The following SMARCA2 variants were observed in gnomAD, a reference collection of about 807,000 sequenced individuals.
SMARCA2 encodes the protein SWI/SNF-related matrix-associated actin-dependent regulator of chromatin subfamily A member 2.
In SMARCA2, 61 loss-of-function variants were observed where a neutral mutation model predicts 199.8. The observed-to-expected ratio is 0.31, with a 90% confidence interval of 0.25 to 0.38. SMARCA2 has a LOEUF of 0.38. Among genes scored for constraint, SMARCA2 ranks in the 10% least tolerant of loss-of-function variants. The pLI, the probability that SMARCA2 is intolerant of heterozygous loss-of-function variation, is 1.00. For missense variants in SMARCA2, 1,344 were observed against 2,012.2 expected (o/e 0.67, Z 6.35); for synonymous variants, 935 against 732.0 (o/e 1.28, Z -4.48).
rs527447933 is a variant in SMARCA2, at chr9:2,130,649, A to G, written c.3981+6712A>G. Reference sequence around the variant, plus strand: ...GTGTGCCCAAGGTGATAACAGTGCTATATTACAGATTACATATATATATAT... The same window carrying G: ...GTGTGCCCAAGGTGATAACAGTGCTGTATTACAGATTACATATATATATAT... On this transcript the variant is annotated intron_variant, in intron 27 of 33. Transcript: ENST00000349721. Among the ~76,000 whole-genome samples the G allele has an allele frequency of 7.2e-5, 11 of 152,352 alleles. No individual in the cohort carries two copies. The South Asian group carries it at 1.2e-3, about 17-fold the overall frequency.
At chr9:2,147,138 A>G (rs1824794256) in intron 27 of SMARCA2, among the ~76,000 whole-genome samples, 1 of 151,934 alleles carries the variant, frequency 6.6e-6, no homozygotes, top group Admixed American at 6.6e-5. Context: ...TCATGACAGA[A>G]GTGTTTAAGA....
At chr9:2,055,653 T>C (rs888802104) in intron 6 of SMARCA2, 1 of 152,250 alleles carries the variant, frequency 6.6e-6, no homozygotes, top group Non-Finnish European at 1.5e-5. Flanking sequence ...CCTTACCGGC[T>C]ATAATCTCAC....
intron 31 of SMARCA2, 54 bp from the exon 32 acceptor site, chr9:2,186,042 A>C: frequency 6.4e-7 from 1 of 1,569,508 alleles, no homozygotes; most frequent in Non-Finnish European, 8.7e-7. Context: ...GGAAGAGTTC[A>C]CTGCCATGGT....
intron 1 of SMARCA2, among the ~76,000 whole-genome samples, chr9:2,023,362 A>G (rs1020166683): frequency 1.3e-5 from 2 of 152,200 alleles, no homozygotes; most frequent in Admixed American, 6.5e-5. Context: ...TGAAAGATGA[A>G]GGAGAGTTCA....
At chr9:2,047,599 C>A (rs1167127122) in intron 5 of SMARCA2, 115 bp downstream of exon 5, 11 of 1,161,784 alleles carry the variant, frequency 9.5e-6, no homozygotes, top group Non-Finnish European at 1.2e-5. Flanking sequence ...TTCACCCGTG[C>A]GGTCGGAAAA....
intron 1 of SMARCA2, among the ~76,000 whole-genome samples, chr9:2,021,285 G>T (rs1586614857): frequency 6.6e-6 from 1 of 151,988 alleles, no homozygotes; most frequent in Non-Finnish European, 1.5e-5. Context: ...AAATATAATT[G>T]AAACTCCCTC....
chr9:2,178,358 G>A (rs1826773500), intron 29 of SMARCA2, among the ~76,000 whole-genome samples: 1 of 152,160 alleles, frequency 6.6e-6, no homozygotes, highest in African/African-American at 2.4e-5. Flanking sequence ...CGATGTCACA[G>A]GCCATCAGTG....
At chr9:2,027,960 G>T (rs1300808019) in intron 1 of SMARCA2, among the ~76,000 whole-genome samples, 1 of 152,208 alleles carries the variant, frequency 6.6e-6, no homozygotes, top group African/African-American at 2.4e-5. Flanking sequence ...CAGCTTATTT[G>T]CTCATTCTGG....
At chr9:2,028,073 G>A (rs1818909412) in intron 1 of SMARCA2, among the ~76,000 whole-genome samples, 2 of 152,216 alleles carry the variant, frequency 1.3e-5, no homozygotes, top group African/African-American at 4.8e-5. Flanking sequence ...TGCTGAAATT[G>A]TAGAACCAGA....
At chr9:2,103,855 GTTCATA>G (rs1822638429) in intron 22 of SMARCA2, 142 bp from the exon 23 acceptor site, 1 of 642,130 alleles carries the variant, frequency 1.6e-6, no homozygotes, top group South Asian at 2.4e-5. Context: ...TTGCTTTGGA[GTTCATA>G]TTCATTCATT....
At chr9:2,080,844 T>C (rs1372214387) in intron 14 of SMARCA2, among the ~76,000 whole-genome samples, 1 of 152,240 alleles carries the variant, frequency 6.6e-6, no homozygotes, top group Non-Finnish European at 1.5e-5. Flanking sequence ...GGCATATGTG[T>C]ATATGTGCCT....
Position 2,039,494 on chromosome 9 carries a change from A to T in SMARCA2, c.384A>T (p.Leu128Phe). ...QGYMSPHPSP[L>F]GAPEHVSSPM... ...ATATGTCACCACACCCATCTCCATTAGGAGCCCCAGAGCACGTCTCCAGCC... is the reference window on the plus strand; with the variant it reads ...ATATGTCACCACACCCATCTCCATTTGGAGCCCCAGAGCACGTCTCCAGCC... Residue 128 changes from leucine to phenylalanine, a missense_variant, in exon 4 of 34, where the codon TTA (leucine) becomes TTT (phenylalanine). Leu to Phe is a conservative substitution (Grantham distance 22, BLOSUM62 0). Coordinates refer to ENST00000349721, the MANE Select transcript of SMARCA2 (RefSeq NM_003070.5). The surrounding 1 kb of genome is among the most constrained non-coding windows in gnomAD (Gnocchi z 4.8). The T allele has an allele frequency of 6.2e-7, 1 of 1,614,002 alleles. No individual in the cohort carries two copies. Among genetic ancestry groups the T allele is most frequent in the Non-Finnish European group, 8.5e-7 (1 of 1,179,976 alleles).
chr9:2,123,844 T>C lies in SMARCA2; in HGVS notation c.3888T>C (p.Cys1296=), dbSNP rs1482736067. 2.5e-6 allele frequency: 4 copies of C among 1,611,470 alleles called. No individual in the cohort carries two copies. Among genetic ancestry groups the C allele is most frequent in the Non-Finnish European group, 2.5e-6 (3 of 1,179,000 alleles). The change falls in exon 27 of 34, where the codon TGT becomes TGC. Residue 1296 remains cysteine (C), a synonymous_variant. Coordinates refer to ENST00000349721, the MANE Select transcript of SMARCA2 (RefSeq NM_003070.5). The surrounding 1 kb of genome is among the most constrained non-coding windows in gnomAD (Gnocchi z 4.1). ...ACGCTGAAGTAGAAAGGCTCACCTG[T>C]GAAGAAGAGGAGGAGAAAATATTTG... The part of the protein sequence containing the change: ...KDDAEVERLT[C]EEEEEKIFGR...
intron 29 of SMARCA2, among the ~76,000 whole-genome samples, chr9:2,173,184 G>C (rs969082282): frequency 4.6e-5 from 7 of 152,164 alleles, no homozygotes; most frequent in African/African-American, 1.7e-4. Context: ...GAAGGCACTT[G>C]TATGTATGTG....
chr9:2,184,353 C>CTTTTT (rs1199876121), intron 31 of SMARCA2, among the ~76,000 whole-genome samples: 1 of 129,422 alleles, frequency 7.7e-6, no homozygotes, highest in East Asian at 2.2e-4. Context: ...AGGATAATAT[C>CTTTTT]TTTTTTTTTT....
intron 24 of SMARCA2, among the ~76,000 whole-genome samples, chr9:2,111,746 A>G (rs1450964437): frequency 6.6e-6 from 1 of 152,106 alleles, no homozygotes; most frequent in East Asian, 1.9e-4. Context: ...GTTCCCTGCC[A>G]CCGCACCCCA....
chr9:2,157,825 G>A (rs994448710), intron 27 of SMARCA2: 5 of 398,170 alleles, frequency 1.3e-5, no homozygotes, highest in African/African-American at 2.1e-5. Flanking sequence ...TTACACCACC[G>A]GGTTGAGAAG....
Position 2,161,958 on chromosome 9 carries a change from C to G in SMARCA2, c.4199+55C>G. On this transcript the variant is annotated intron_variant, in intron 28 of 33. Transcript: ENST00000349721. The surrounding 1 kb of genome is among the most constrained non-coding windows in gnomAD (Gnocchi z 4.7). Reference sequence around the variant, plus strand: ...TCTCTCACCAAGACGCCGAGTGGCGCTCCCTGAGGAGCAGGAGTTGTTAAG... The same window carrying G: ...TCTCTCACCAAGACGCCGAGTGGCGGTCCCTGAGGAGCAGGAGTTGTTAAG... The G allele has an allele frequency of 7.0e-7, 1 of 1,426,146 alleles. No homozygotes were observed. Among genetic ancestry groups the G allele is most frequent in the Non-Finnish European group, 9.8e-7 (1 of 1,021,904 alleles). 88.3% of individuals were successfully genotyped at this position (1,426,146 alleles called of 1,614,324 possible). A position where few individuals can be genotyped will look rare whatever the true frequency, so the allele number is the denominator to read the frequency against.
intron 27 of SMARCA2, among the ~76,000 whole-genome samples, chr9:2,138,602 A>G (rs979607578): frequency 6.6e-6 from 1 of 152,174 alleles, no homozygotes; most frequent in African/African-American, 2.4e-5. Context: ...GCTGCCTCTG[A>G]TAACTTATGA....
Sources: allele counts gnomAD v4.1 joint callset (sites outside exome capture counted in the v4.1 genomes callset), GRCh38; gene constraint gnomAD v4.1.1; non-coding constraint Gnocchi (gnomAD v3.1); transcripts MANE v1.5; gene names NCBI Gene and HGNC (gene_info 2026-07-23, HGNC 2026-07-21).